Variants in PLEKHG5 observed in about 807,000 individuals in gnomAD.
PLEKHG5 encodes pleckstrin homology domain-containing family G member 5.
Under a neutral mutation model 103.8 loss-of-function variants are expected in PLEKHG5, and 52 were observed. The ratio of observed to expected loss-of-function variants is 0.50; its 90% CI spans 0.40 to 0.63. The LOEUF (loss-of-function observed/expected upper bound fraction) is 0.63. Ranked by LOEUF, PLEKHG5 falls within the 30% of genes least tolerant of loss-of-function variation. The probability of loss-of-function intolerance (pLI) is 0.00; values close to 1 mark genes in which losing one functional copy is unlikely to be tolerated. For missense variants in PLEKHG5, 1,205 were observed against 1,347.6 expected (o/e 0.89, Z 1.66); for synonymous variants, 592 against 575.5 (o/e 1.03, Z -0.41).
At chr1:6,517,226 G>A (rs1427257806) in intron 1 of PLEKHG5, among the ~76,000 whole-genome samples, 5 of 149,510 alleles carry the variant, frequency 3.3e-5, no homozygotes, top group Non-Finnish European at 7.4e-5. Context: ...AGAATGGCAT[G>A]AACCTGAGAG....
Position 6,491,367 on chromosome 1 carries a change from T to C in PLEKHG5, c.-88+270A>G, listed in dbSNP as rs1280292132. 6.6e-6 allele frequency among the ~76,000 whole-genome samples: 1 copy of C among 152,172 alleles called. No homozygotes were observed. The highest frequency in any genetic ancestry group is 2.4e-5 in the African/African-American group (1 of 41,432). On this transcript the variant is annotated intron_variant, in intron 1 of 20. Transcript: ENST00000377728. This position sits in a 1 kb window ranked among gnomAD's most constrained non-coding sequence, Gnocchi z 4.1. Reference sequence around the variant, plus strand: ...CACACAACCCTTGGGGCTGGGCCTATACTAGGGCAGCTCCTGGCTGGGCCA... The same window carrying C: ...CACACAACCCTTGGGGCTGGGCCTACACTAGGGCAGCTCCTGGCTGGGCCA...
rs890225132 is a variant in PLEKHG5 at position 6,490,087 on chromosome 1, C to A, written c.-88+1550G>T. Among the ~76,000 whole-genome samples, 6 of 152,218 alleles carry A rather than the reference C, an allele frequency of 3.9e-5. No individual in the cohort carries two copies. The East Asian group carries it at 1.2e-3, about 30-fold the overall frequency. The stretch of plus-strand genomic sequence containing the variant: ...GGGCTTTTCCGCCTGGGACCGACTC[C>A]GGGACTGGCCAGATGGGGAGGATCG... On this transcript the variant is annotated intron_variant, in intron 1 of 20. Coordinates refer to ENST00000377728, the MANE Select transcript of PLEKHG5 (RefSeq NM_020631.6). This position sits in a 1 kb window ranked among gnomAD's most constrained non-coding sequence, Gnocchi z 8.0.
chr1:6,468,990 GCTAGAGTA>G (rs1644480868), intron 19 of PLEKHG5, 44 bp downstream of exon 19: 1 of 1,467,848 alleles, frequency 6.8e-7, no homozygotes, highest in Admixed American at 1.7e-5. Context: ...GGAGTCCTGG[GCTAGAGTA>G]CTTGTCCTGG....
chr1:6,490,567 A>T lies in PLEKHG5; in HGVS notation c.-88+1070T>A, dbSNP rs1645132269. On this transcript the variant is annotated intron_variant, in intron 1 of 20. Transcript: ENST00000377728. The surrounding 1 kb of genome is among the most constrained non-coding windows in gnomAD (Gnocchi z 8.0). ...GGGAGCCGCGGGACGGGCTCAGTCG[A>T]CTCAGCGCAAACTGGGGCGCGGGAC... is the stretch of plus-strand genomic sequence containing the variant. 6 of 985,240 alleles carry T rather than the reference A, an allele frequency of 6.1e-6. No individual in the cohort carries two copies. The highest frequency in any genetic ancestry group is 6.0e-6 in the Non-Finnish European group (5 of 829,948). 61.0% of individuals were successfully genotyped at this position (985,240 alleles called of 1,614,324 possible). A position where few individuals can be genotyped will look rare whatever the true frequency, so the allele number is the denominator to read the frequency against.
upstream of PLEKHG5, among the ~76,000 whole-genome samples, chr1:6,497,649 G>GCAC (rs2148628592): frequency 1.3e-5 from 2 of 152,196 alleles, no homozygotes; most frequent in Admixed American, 1.3e-4. This position sits in a 1 kb window ranked among gnomAD's most constrained non-coding sequence, Gnocchi z 6.1. Flanking sequence ...CCTGGAGGGT[G>GCAC]CCATCCACGC....
chr1:6,482,168 C>T (rs1644920369), intron 1 of PLEKHG5, among the ~76,000 whole-genome samples: 1 of 152,184 alleles, frequency 6.6e-6, no homozygotes. Context: ...GTCACCTTCT[C>T]ATCCTCCTCA....
intron 1 of PLEKHG5, among the ~76,000 whole-genome samples, chr1:6,508,492 C>A (rs941650146): frequency 6.6e-6 from 1 of 151,202 alleles, no homozygotes; most frequent in Admixed American, 6.6e-5. Flanking sequence ...TCAGGGGAGG[C>A]CCCCCCAGGC....
chr1:6,509,971 C>T (rs1277776486), intron 1 of PLEKHG5, among the ~76,000 whole-genome samples: 4 of 152,188 alleles, frequency 2.6e-5, no homozygotes, highest in African/African-American at 4.8e-5. Flanking sequence ...CTTGTGGACC[C>T]CAGGGCCCCA....
chr1:6,480,811 G>C (rs1644879355), intron 1 of PLEKHG5, among the ~76,000 whole-genome samples: 1 of 151,830 alleles, frequency 6.6e-6, no homozygotes, highest in South Asian at 2.1e-4. Flanking sequence ...ACCATACCCA[G>C]CTAATTTTTA....
rs762805368 is a variant in PLEKHG5, at chr1:6,470,254, C to T, written c.1782G>A (p.Lys594=). ...QLLLEGSLRM[K]EGKDSKMDVY... ...GAATCACCTTGCTGTCCTTCCCCTC[C>T]TTCATCCTCAGGCTCCCCTCCAGCA... is the stretch of plus-strand genomic sequence containing the variant. Residue 594 remains lysine, a synonymous_variant, in exon 16 of 21, where the codon AAG becomes AAA. Coordinates refer to ENST00000377728, the MANE Select transcript of PLEKHG5 (RefSeq NM_020631.6). 1.2e-6 allele frequency: 2 copies of T among 1,613,926 alleles called. No individual in the cohort carries two copies. The highest frequency in any genetic ancestry group is 1.7e-6 in the Non-Finnish European group (2 of 1,180,012).
rs746822140 is a variant in PLEKHG5 at position 6,471,739 on chromosome 1, C to T, written c.1131+19G>A. 1.2e-6 allele frequency: 2 copies of T among 1,606,408 alleles called. No individual in the cohort carries two copies. The highest frequency in any genetic ancestry group is 1.7e-6 in the Non-Finnish European group (2 of 1,176,850). The stretch of plus-strand genomic sequence containing the variant: ...CTTCCTGGTACCTCACCCGCCGCCG[C>T]CCCCGAATCCCAGCGCACCTCACAC... On this transcript the variant is annotated intron_variant, in intron 11 of 20. Transcript: ENST00000377728.
Position 6,469,415 on chromosome 1 carries a change from T to A in PLEKHG5, c.1969A>T (p.Ser657Cys). The change falls in exon 18 of 21, where the codon AGT becomes TGT. Residue 657 changes from serine to cysteine, a missense_variant. Physicochemically the swap from Ser to Cys is moderately radical, Grantham distance 112 (BLOSUM62 -1). Coordinates refer to ENST00000377728, the MANE Select transcript of PLEKHG5 (RefSeq NM_020631.6). ...FLLIYLNEFH[S>C]AVGAYTFQAS... ...TGGAACGTGTAGGCCCCTACAGCAC[T>A]GTGAAACTCATTCAGGTAGATAAGG... 1 of 1,614,084 alleles carries A rather than the reference T, an allele frequency of 6.2e-7. No homozygotes were observed. The highest frequency in any genetic ancestry group is 8.5e-7 in the Non-Finnish European group (1 of 1,180,024).
chr1:6,474,833 C>T (rs1412262672), intron 5 of PLEKHG5: 28 of 664,522 alleles, frequency 4.2e-5, no homozygotes, highest in Non-Finnish European at 6.8e-5. Flanking sequence ...GGCCTGGCTC[C>T]TGCATACATG....
chr1:6,508,608 C>G (rs1212792303), intron 1 of PLEKHG5, among the ~76,000 whole-genome samples: 1 of 152,206 alleles, frequency 6.6e-6, no homozygotes, highest in Non-Finnish European at 1.5e-5. Context: ...TTCCTCGGGT[C>G]TGGGGAAAAC....
chr1:6,475,258 C>A, intron 4 of PLEKHG5, 120 bp from the exon 5 acceptor site: 1 of 687,604 alleles, frequency 1.5e-6, no homozygotes, highest in South Asian at 1.5e-5. Context: ...CCTTCCCACC[C>A]TCCTTCCCAA....
rs1463790411 is a variant in PLEKHG5 at position 6,490,886 on chromosome 1, A to G, written c.-88+751T>C. On this transcript the variant is annotated intron_variant, in intron 1 of 20. Transcript: ENST00000377728. The surrounding 1 kb of genome is among the most constrained non-coding windows in gnomAD (Gnocchi z 8.0). Reference sequence around the variant, plus strand: ...GAAGACGGGAGCTCGCCCATCCCGGAAGGGGGCTAGGGGGGACCAGGGCCC... The same window carrying G: ...GAAGACGGGAGCTCGCCCATCCCGGGAGGGGGCTAGGGGGGACCAGGGCCC... 6.6e-6 allele frequency among the ~76,000 whole-genome samples: 1 copy of G among 152,082 alleles called. No individual in the cohort carries two copies. The highest frequency in any genetic ancestry group is 2.4e-5 in the African/African-American group (1 of 41,406).
rs767157981 is a variant in PLEKHG5, at chr1:6,474,046, G to A, written c.558C>T (p.Asp186=). 69 of 1,610,152 alleles carry A rather than the reference G, an allele frequency of 4.3e-5. No individual in the cohort carries two copies. The Middle Eastern group carries it at 5.2e-4, about 12-fold the overall frequency. The change falls in exon 7 of 21, where the codon GAC becomes GAT. Residue 186 remains aspartate, a synonymous_variant. Transcript: ENST00000377728. The part of the protein sequence containing the change: ...GTGPPALERV[D]AQSRRESLDI... ...CCAGGCTCTCCCGGCGGCTCTGGGCGTCCACACGCTCCAGGGCGGGGGGCC... is the reference window on the plus strand; with the variant it reads ...CCAGGCTCTCCCGGCGGCTCTGGGCATCCACACGCTCCAGGGCGGGGGGCC...
At chr1:6,482,575 C>T (rs1644930925) in intron 1 of PLEKHG5, among the ~76,000 whole-genome samples, 1 of 152,162 alleles carries the variant, frequency 6.6e-6, no homozygotes, top group Non-Finnish European at 1.5e-5. Context: ...GTTATTGTCC[C>T]TGTTTCACAC....
chr1:6,471,348 C>T (rs990615518), intron 12 of PLEKHG5, 140 bp downstream of exon 12: 24 of 1,036,860 alleles, frequency 2.3e-5, no homozygotes, highest in African/African-American at 1.6e-4. Flanking sequence ...TAATTCCTCA[C>T]CCTTGGCCAC....
Sources: gnomAD v4.1 joint callset for allele counts (sites outside exome capture counted in the v4.1 genomes callset) on GRCh38, gnomAD v4.1.1 for gene constraint, Gnocchi (gnomAD v3.1) non-coding constraint, MANE v1.5 for transcripts, NCBI Gene and HGNC (gene_info 2026-07-23, HGNC 2026-07-21) for gene names.